The following FOXP1 variants were observed in gnomAD, a reference collection of about 807,000 sequenced individuals.
FOXP1 encodes the protein forkhead box protein P1.
In FOXP1, 15 loss-of-function variants were observed where a neutral mutation model predicts 98.2. The observed-to-expected ratio is 0.15, with a 90% CI of 0.10 to 0.24. The LOEUF is 0.24. FOXP1 is among the 10% of genes least tolerant of loss of function. The probability of loss-of-function intolerance (pLI) is 1.00; values close to 1 mark genes in which losing one functional copy is unlikely to be tolerated. For synonymous variants in FOXP1, 371 were observed against 314.5 expected, an observed-to-expected ratio of 1.18 and a Z score of -1.90; for missense variants, 633 against 848.5, an observed-to-expected ratio of 0.75 and a Z score of 3.15.
intron 2 of FOXP1, among the ~76,000 whole-genome samples, chr3:71,569,597 A>C (rs1474199720): frequency 6.6e-6 from 1 of 152,204 alleles, no homozygotes; most frequent in Non-Finnish European, 1.5e-5. Context: ...CATCATCTAT[A>C]TATTTTATAT....
intron 14 of FOXP1, among the ~76,000 whole-genome samples, chr3:70,985,111 A>G (rs2039506992): frequency 6.6e-6 from 1 of 152,248 alleles, no homozygotes; most frequent in East Asian, 1.9e-4. Flanking sequence ...CTACACAGAA[A>G]TGGAAAAAAG....
chr3:71,149,985 A>C (rs2060493615), intron 6 of FOXP1, among the ~76,000 whole-genome samples: 2 of 152,260 alleles, frequency 1.3e-5, no homozygotes, highest in South Asian at 4.1e-4. Context: ...TACACAGTCT[A>C]ATTTTGAAAA....
intron 3 of FOXP1, among the ~76,000 whole-genome samples, chr3:71,478,868 T>C (rs1018657141): frequency 1.3e-5 from 2 of 152,288 alleles, no homozygotes; most frequent in East Asian, 3.9e-4. Context: ...TCCCTCAAGA[T>C]ACCCATGCCC....
At chr3:71,013,456 C>T (rs1387789479) in intron 12 of FOXP1, among the ~76,000 whole-genome samples, 1 of 152,120 alleles carries the variant, frequency 6.6e-6, no homozygotes, top group Non-Finnish European at 1.5e-5. Flanking sequence ...AGTGAAGGAC[C>T]TCTTCAAGGA....
At chr3:71,111,270 T>C (rs2057895687) in intron 7 of FOXP1, among the ~76,000 whole-genome samples, 1 of 152,212 alleles carries the variant, frequency 6.6e-6, no homozygotes, top group Non-Finnish European at 1.5e-5. Context: ...GCTATGAAAG[T>C]AGTCTGAACC....
At chr3:71,480,135 G>C (rs1268920054) in intron 3 of FOXP1, among the ~76,000 whole-genome samples, 1 of 152,210 alleles carries the variant, frequency 6.6e-6, no homozygotes, top group Non-Finnish European at 1.5e-5. Flanking sequence ...GGCAGAGTAA[G>C]AGAAGATCGC....
intron 3 of FOXP1, among the ~76,000 whole-genome samples, chr3:71,468,624 C>G (rs1373368588): frequency 6.6e-6 from 1 of 152,178 alleles, no homozygotes; most frequent in East Asian, 1.9e-4. Flanking sequence ...TTTAACCGTT[C>G]TAAAAAGATC....
At chr3:71,351,974 T>C (rs1196232417) in intron 4 of FOXP1, among the ~76,000 whole-genome samples, 3 of 152,212 alleles carry the variant, frequency 2.0e-5, no homozygotes, top group Non-Finnish European at 4.4e-5. Context: ...TTATTTCCCA[T>C]AGCTCTTGTG....
At chr3:71,360,943 T>C (rs935604744) in intron 3 of FOXP1, among the ~76,000 whole-genome samples, 4 of 152,170 alleles carry the variant, frequency 2.6e-5, no homozygotes, top group Non-Finnish European at 5.9e-5. Flanking sequence ...TCCCAGTGGG[T>C]GTCTCTTCTA....
chr3:71,234,459 G>A (rs527439402), intron 5 of FOXP1, among the ~76,000 whole-genome samples: 2 of 152,188 alleles, frequency 1.3e-5, no homozygotes, highest in East Asian at 3.9e-4. Flanking sequence ...ATGGGTGAGT[G>A]GGGGGAGGCG....
At chr3:71,484,660 T>G (rs1577773119) in intron 3 of FOXP1, among the ~76,000 whole-genome samples, 1 of 151,880 alleles carries the variant, frequency 6.6e-6, no homozygotes, top group South Asian at 2.1e-4. Context: ...ATGGTCGGGG[T>G]TACGGTATTA....
chr3:71,215,082 C>T (rs2108479106), intron 5 of FOXP1, among the ~76,000 whole-genome samples: 1 of 152,308 alleles, frequency 6.6e-6, no homozygotes, highest in South Asian at 2.1e-4. Context: ...AAAATATCCC[C>T]AAGGTGATTC....
At chr3:71,582,305 G>C (rs1019870315) in intron 1 of FOXP1, 6 of 974,154 alleles carry the variant, frequency 6.2e-6, no homozygotes, top group Non-Finnish European at 7.3e-6. Flanking sequence ...CGGGAGGCGG[G>C]GGCGAGGGAA....
At chr3:71,052,014 G>C (rs1190592803) in intron 9 of FOXP1, among the ~76,000 whole-genome samples, 1 of 152,144 alleles carries the variant, frequency 6.6e-6, no homozygotes, top group African/African-American at 2.4e-5. Context: ...CATGCCTTTA[G>C]CAATTACATT....
intron 17 of FOXP1, among the ~76,000 whole-genome samples, chr3:70,973,245 CCCCGCCCCGCCCCGGT>C (rs2036711653): frequency 7.5e-6 from 1 of 133,230 alleles, no homozygotes; most frequent in Non-Finnish European, 1.6e-5. Flanking sequence ...CCCGCCCCCG[CCCCGCCCCGCCCCGGT>C]CAAGAGATCA....
chr3:71,577,530 G>A (rs1423965339), intron 2 of FOXP1, among the ~76,000 whole-genome samples: 4 of 152,046 alleles, frequency 2.6e-5, no homozygotes, highest in Non-Finnish European at 5.9e-5. Context: ...TCATCTCAAG[G>A]CCTGCTGGCA....
At chr3:71,260,379 G>C (rs969610969) in intron 5 of FOXP1, among the ~76,000 whole-genome samples, 1 of 152,126 alleles carries the variant, frequency 6.6e-6, no homozygotes, top group Non-Finnish European at 1.5e-5. Flanking sequence ...GCCATGTTTT[G>C]TCAAAGAATT....
intron 7 of FOXP1, among the ~76,000 whole-genome samples, chr3:71,098,868 G>A (rs1222933197): frequency 6.6e-6 from 1 of 152,184 alleles, no homozygotes; most frequent in African/African-American, 2.4e-5. Flanking sequence ...TGCCTAAAGT[G>A]ACACATTTAG....
chr3:71,069,374 T>G (rs1303767522), intron 7 of FOXP1, among the ~76,000 whole-genome samples: 1 of 152,068 alleles, frequency 6.6e-6, no homozygotes, highest in African/African-American at 2.4e-5. Context: ...GCATCAGAGG[T>G]AAACAAAATC....
Sources: gnomAD v4.1 joint callset for allele counts (sites outside exome capture counted in the v4.1 genomes callset) on GRCh38, gnomAD v4.1.1 for gene constraint, MANE v1.5 for transcripts, NCBI Gene and HGNC (gene_info 2026-07-23, HGNC 2026-07-21) for gene names.